Variants in GIGYF2 observed in about 807,000 individuals in gnomAD.
GIGYF2 encodes the protein GRB10 interacting GYF protein 2.
A neutral mutation model predicts 208.1 loss-of-function variants in GIGYF2; 25 were observed. The ratio of observed to expected loss-of-function variants is 0.12; its 90% CI spans 0.09 to 0.17. The LOEUF (loss-of-function observed/expected upper bound fraction) is 0.17, where lower values mean the gene tolerates loss of function less well. Ranked by LOEUF, GIGYF2 falls within the 10% of genes least tolerant of loss-of-function variation. GIGYF2 has a pLI of 1.00. For missense variants in GIGYF2, 1,302 were observed against 1,579.4 expected (o/e 0.82, Z 2.98); for synonymous variants, 534 against 543.8 (o/e 0.98, Z 0.25).
intron 22 of GIGYF2, among the ~76,000 whole-genome samples, chr2:232,838,922 A>G (rs1701732341): frequency 1.3e-5 from 2 of 152,030 alleles, no homozygotes; most frequent in African/African-American, 4.8e-5. Context: ...GAAGACATTC[A>G]TTTGAAGAGT....
intron 22 of GIGYF2, among the ~76,000 whole-genome samples, chr2:232,839,268 G>C (rs1324860861): frequency 6.6e-6 from 1 of 152,148 alleles, no homozygotes; most frequent in African/African-American, 2.4e-5. Flanking sequence ...ATAATCTTAA[G>C]GGATGGGAAA....
intron 4 of GIGYF2, 151 bp from the exon 5 acceptor site, chr2:232,748,836 A>G (rs1418703835): frequency 1.3e-5 from 8 of 630,380 alleles, no homozygotes; most frequent in Non-Finnish European, 2.0e-5. Context: ...TATAAGGACT[A>G]TAGAAGTCAA....
intron 8 of GIGYF2, among the ~76,000 whole-genome samples, chr2:232,774,017 C>G (rs1574866139): frequency 1.3e-5 from 2 of 150,722 alleles, no homozygotes; most frequent in Non-Finnish European, 2.9e-5. Context: ...CATGGTGACT[C>G]ATGCCTGTAA....
At chr2:232,741,736 G>C (rs1290659736) in intron 3 of GIGYF2, among the ~76,000 whole-genome samples, 3 of 152,072 alleles carry the variant, frequency 2.0e-5, no homozygotes, top group Non-Finnish European at 4.4e-5. Context: ...GAGCCACTGT[G>C]CCTGGCCCCT....
chr2:232,765,738 A>T, intron 8 of GIGYF2: 1 of 313,894 alleles, frequency 3.2e-6, no homozygotes, highest in East Asian at 8.2e-5. Context: ...GTATTTTGGT[A>T]TGAAGTACTT....
Position 232,847,338 on chromosome 2 carries a change from C to T in GIGYF2, c.3461-10C>T, listed in dbSNP as rs1276029344. 2.5e-6 allele frequency: 4 copies of T among 1,609,618 alleles called. No individual in the cohort carries two copies. The highest frequency in any genetic ancestry group is 2.5e-6 in the Non-Finnish European group (3 of 1,176,714). ...TTGTTACCCTTATCTTCTCCCCTCC[C>T]GTTTTGCAGTTCCCACATTTGTTTC... On this transcript the variant is annotated splice_polypyrimidine_tract_variant and intron_variant, in intron 26 of 28. Transcript: ENST00000373563.
intron 28 of GIGYF2, among the ~76,000 whole-genome samples, chr2:232,854,174 G>A (rs563912204): frequency 1.3e-5 from 2 of 152,230 alleles, no homozygotes; most frequent in East Asian, 3.9e-4. Context: ...TCTTGTACTT[G>A]CCTAATTAAC....
intron 18 of GIGYF2, among the ~76,000 whole-genome samples, chr2:232,814,918 A>G (rs540873718): frequency 2.7e-4 from 41 of 152,300 alleles, no homozygotes; most frequent in Admixed American, 3.9e-4. Flanking sequence ...AAATTAGAGA[A>G]TGCTGAAAAG....
intron 19 of GIGYF2, among the ~76,000 whole-genome samples, chr2:232,816,147 G>A (rs774036483): frequency 6.6e-6 from 1 of 152,106 alleles, no homozygotes; most frequent in Non-Finnish European, 1.5e-5. Context: ...ATCCTCAGAC[G>A]TAGCAGCCAA....
intron 8 of GIGYF2, among the ~76,000 whole-genome samples, chr2:232,785,867 T>G (rs2106358979): frequency 1.3e-5 from 2 of 152,376 alleles, no homozygotes; most frequent in South Asian, 4.1e-4. Flanking sequence ...TTTTTCACTT[T>G]TAGTATGGAT....
intron 1 of GIGYF2, among the ~76,000 whole-genome samples, chr2:232,698,113 T>G (rs534614147): frequency 4.4e-4 from 67 of 152,354 alleles, no homozygotes; most frequent in South Asian, 3.5e-3. Context: ...GCACTCTGAA[T>G]ACTTGTTTTG....
At chr2:232,752,953 GA>G (rs1251466062) in intron 5 of GIGYF2, among the ~76,000 whole-genome samples, 1 of 152,030 alleles carries the variant, frequency 6.6e-6, no homozygotes, top group Non-Finnish European at 1.5e-5. Flanking sequence ...CTCTTCCTCA[GA>G]AATAACCACT....
At chr2:232,842,253 T>G (rs1701842385) in intron 23 of GIGYF2, among the ~76,000 whole-genome samples, 2 of 151,978 alleles carry the variant, frequency 1.3e-5, no homozygotes, top group Non-Finnish European at 2.9e-5. Context: ...TGCAGTGGTG[T>G]GATGGTAACT....
At chr2:232,721,451 T>G (rs1436642415) in intron 2 of GIGYF2, among the ~76,000 whole-genome samples, 1 of 152,220 alleles carries the variant, frequency 6.6e-6, no homozygotes, top group Non-Finnish European at 1.5e-5. Flanking sequence ...TACCTTTCCT[T>G]TAGCCCTCTG....
At chr2:232,711,640 A>G (rs767628828) in intron 2 of GIGYF2, among the ~76,000 whole-genome samples, 3 of 147,854 alleles carry the variant, frequency 2.0e-5, no homozygotes, top group African/African-American at 7.4e-5. Context: ...TTGCTTCTGC[A>G]TTCAGTCTGT....
At chr2:232,811,452 A>T (rs1175921462) in intron 17 of GIGYF2, 101 bp downstream of exon 17, 2 of 748,500 alleles carry the variant, frequency 2.7e-6, no homozygotes, top group Non-Finnish European at 4.9e-6. Context: ...CTGGCACTGG[A>T]ACACTCCCAA....
chr2:232,737,451 T>G (rs1697780247), intron 3 of GIGYF2, among the ~76,000 whole-genome samples: 2 of 152,220 alleles, frequency 1.3e-5, no homozygotes, highest in South Asian at 4.1e-4. Context: ...TCATCTGAAA[T>G]GCTGATGCAC....
At chr2:232,815,605 C>T in intron 18 of GIGYF2, 32 bp from the exon 19 acceptor site, 2 of 1,132,396 alleles carry the variant, frequency 1.8e-6, no homozygotes, top group Non-Finnish European at 2.7e-6. Flanking sequence ...TAAGCTCTGT[C>T]ATTCCTCGTT....
chr2:232,764,922 G>A (rs1372769165), intron 8 of GIGYF2, among the ~76,000 whole-genome samples: 2 of 152,074 alleles, frequency 1.3e-5, no homozygotes, highest in Non-Finnish European at 1.5e-5. Context: ...AAAGGTAAAG[G>A]TTCTTTTATT....
Sources: allele counts gnomAD v4.1 joint callset (sites outside exome capture counted in the v4.1 genomes callset), GRCh38; gene constraint gnomAD v4.1.1; transcripts MANE v1.5; gene names NCBI Gene and HGNC (gene_info 2026-07-23, HGNC 2026-07-21).